Variants in KPNA6 observed in about 807,000 individuals in gnomAD.
KPNA6 encodes karyopherin subunit alpha 6.
In KPNA6, 9 loss-of-function variants were observed where a neutral mutation model predicts 72.0. The ratio of observed to expected loss-of-function variants is 0.13; its 90% CI spans 0.08 to 0.22. KPNA6 has a LOEUF of 0.22. Ranked by LOEUF, KPNA6 falls within the 10% of genes least tolerant of loss-of-function variation. KPNA6 has a pLI of 1.00. For synonymous variants in KPNA6, 219 were observed against 242.1 expected (o/e 0.90, Z 0.89); for missense variants, 374 against 655.7 (o/e 0.57, Z 4.69).
At chr1:32,165,703 AG>A (rs1642319613) in intron 10 of KPNA6, among the ~76,000 whole-genome samples, 1 of 151,470 alleles carries the variant, frequency 6.6e-6, no homozygotes, top group African/African-American at 2.4e-5. Flanking sequence ...CCCTATTTAA[AG>A]AAAAAAAATG....
intron 1 of KPNA6, among the ~76,000 whole-genome samples, chr1:32,135,260 T>C (rs1233048905): frequency 6.6e-6 from 1 of 152,016 alleles, no homozygotes; most frequent in Non-Finnish European, 1.5e-5. Context: ...AGAGGTGGGG[T>C]TTCTCCGTGT....
At position 32,167,162 on chromosome 1, in the gene KPNA6, C is replaced by G. The variant is rs745590536; in HGVS notation, c.1117-7C>G. The G allele has an allele frequency of 3.1e-6, 5 of 1,613,516 alleles. No homozygotes were observed. ...CTTCCATCTGCCTCCTCTCAATTCT[C>G]TCTCAGGCTGTTATAGATGCAAATA... On this transcript the variant is annotated splice_polypyrimidine_tract_variant and splice_region_variant and intron_variant, in intron 11 of 13. Coordinates refer to ENST00000373625, the MANE Select transcript of KPNA6 (RefSeq NM_012316.5).
At chr1:32,168,734 G>A (rs1185610163) in intron 12 of KPNA6, among the ~76,000 whole-genome samples, 3 of 152,338 alleles carry the variant, frequency 2.0e-5, no homozygotes, top group African/African-American at 7.2e-5. Context: ...CTTTACAAGT[G>A]TGACTAGAAT....
chr1:32,143,128 A>G (rs1231422662), intron 1 of KPNA6: 1 of 597,324 alleles, frequency 1.7e-6, no homozygotes, highest in Non-Finnish European at 2.8e-6. Context: ...AGAGGTGCAG[A>G]CACAGCTCAC....
Position 32,167,141 on chromosome 1 carries a change from C to T in KPNA6, c.1117-28C>T, listed in dbSNP as rs748534680. ...TCATGCTGAAATGACTTTCTCCTTC[C>T]ATCTGCCTCCTCTCAATTCTCTCTC... On this transcript the variant is annotated intron_variant, in intron 11 of 13. Coordinates refer to ENST00000373625, the MANE Select transcript of KPNA6 (RefSeq NM_012316.5). 1.9e-6 allele frequency: 3 copies of T among 1,608,858 alleles called. No individual in the cohort carries two copies. The Admixed American group carries it at 5.0e-5, about 27-fold the overall frequency.
chr1:32,154,746 A>AC (rs1642106148), intron 2 of KPNA6, 25 bp downstream of exon 2: 1 of 1,612,606 alleles, frequency 6.2e-7, no homozygotes, highest in Non-Finnish European at 8.5e-7. Context: ...GTATTCTCAA[A>AC]CATACTATTC....
At chr1:32,166,773 C>CA (rs1312247988) in intron 11 of KPNA6, among the ~76,000 whole-genome samples, 207 of 118,748 alleles carry the variant, frequency 1.7e-3, no homozygotes, top group South Asian at 3.1e-3. Context: ...TCTAAAAATA[C>CA]AAAAAAAAAG....
chr1:32,159,611 G>A, intron 6 of KPNA6, 80 bp downstream of exon 6: 1 of 1,496,638 alleles, frequency 6.7e-7, no homozygotes, highest in South Asian at 1.2e-5. Context: ...CCTGGTTCTT[G>A]GCACAGTGTT....
intron 1 of KPNA6, among the ~76,000 whole-genome samples, chr1:32,115,468 C>G (rs1641314403): frequency 6.6e-6 from 1 of 151,910 alleles, no homozygotes; most frequent in Admixed American, 6.6e-5. Context: ...TTTTGTCTGT[C>G]ACCCAGGCTG....
chr1:32,128,983 A>C (rs1390890910), intron 1 of KPNA6, among the ~76,000 whole-genome samples: 2 of 152,088 alleles, frequency 1.3e-5, no homozygotes, highest in African/African-American at 4.8e-5. Flanking sequence ...AAGTTGCACA[A>C]TTATTAAGTA....
chr1:32,116,036 G>T (rs560579393), intron 1 of KPNA6, among the ~76,000 whole-genome samples: 11 of 152,008 alleles, frequency 7.2e-5, no homozygotes, highest in African/African-American at 1.9e-4. Flanking sequence ...AAGCCACTGC[G>T]CTCGGCTCCT....
chr1:32,119,028 A>T (rs1218688747), intron 1 of KPNA6, among the ~76,000 whole-genome samples: 5,373 of 62,208 alleles, frequency 0.086, 418 homozygotes, highest in African/African-American at 0.17. Flanking sequence ...ATATATATAT[A>T]TATATTTTTT....
At chr1:32,169,340 G>T (rs1016659524) in intron 12 of KPNA6, among the ~76,000 whole-genome samples, 1 of 151,570 alleles carries the variant, frequency 6.6e-6, no homozygotes, top group African/African-American at 2.4e-5. Context: ...ACCCCAGCCT[G>T]GGTGACAGAG....
At chr1:32,139,231 G>A (rs1366451305) in intron 1 of KPNA6, among the ~76,000 whole-genome samples, 2 of 152,176 alleles carry the variant, frequency 1.3e-5, no homozygotes, top group African/African-American at 4.8e-5. Flanking sequence ...CCTATGGAGA[G>A]CAGATGGATT....
rs768710208 is a variant in KPNA6, at chr1:32,154,064, G to C, written c.5-524G>C. Among the ~76,000 whole-genome samples the C allele has an allele frequency of 4.6e-5, 7 of 151,868 alleles. No homozygotes were observed. In the East Asian group the frequency reaches 1.4e-3, roughly 29 times the overall value. On this transcript the variant is annotated intron_variant, in intron 1 of 13. Coordinates refer to ENST00000373625, the MANE Select transcript of KPNA6 (RefSeq NM_012316.5). ...CGGAAGGCTGAGGCAGGAGAATCAC[G>C]TGAGCCCAGGAGGCAGAGGTTGCAG...
At chr1:32,138,673 T>C (rs1192109525) in intron 1 of KPNA6, among the ~76,000 whole-genome samples, 1 of 151,878 alleles carries the variant, frequency 6.6e-6, no homozygotes, top group Non-Finnish European at 1.5e-5. Context: ...AGAGGTTGGC[T>C]CTGGAAGATG....
intron 1 of KPNA6, among the ~76,000 whole-genome samples, chr1:32,115,667 C>T (rs964660015): frequency 6.6e-6 from 1 of 152,086 alleles, no homozygotes. Context: ...TCAAGTGATC[C>T]TTATTCCTCA....
intron 1 of KPNA6, among the ~76,000 whole-genome samples, chr1:32,145,213 C>T (rs1641909599): frequency 6.6e-6 from 1 of 152,026 alleles, no homozygotes; most frequent in African/African-American, 2.4e-5. Context: ...CCCACCTCGG[C>T]CTCCCAAAGT....
Position 32,171,034 on chromosome 1 carries a change from C to A in KPNA6, c.*140C>A. The A allele has an allele frequency of 1.4e-6, 1 of 703,212 alleles. No individual in the cohort carries two copies. Among genetic ancestry groups the A allele is most frequent in the Non-Finnish European group, 2.4e-6 (1 of 421,718 alleles). 43.6% of individuals were successfully genotyped at this position (703,212 alleles called of 1,614,324 possible). On this transcript the variant is annotated 3_prime_UTR_variant, in exon 14 of 14. Transcript: ENST00000373625. ...CCCTGGAGACTGTGCTCTTGACCTGCTCCGCCCCCTTCCCTGGAGGGAGCA... is the reference window on the plus strand; with the variant it reads ...CCCTGGAGACTGTGCTCTTGACCTGATCCGCCCCCTTCCCTGGAGGGAGCA...
Sources: allele counts gnomAD v4.1 joint callset (sites outside exome capture counted in the v4.1 genomes callset), GRCh38; gene constraint gnomAD v4.1.1; transcripts MANE v1.5; gene names NCBI Gene and HGNC (gene_info 2026-07-23, HGNC 2026-07-21).